The following NRF1 variants were observed in gnomAD, a reference collection of about 807,000 sequenced individuals.
The protein encoded by NRF1 is alpha palindromic-binding protein.
Under a neutral mutation model 58.5 loss-of-function variants are expected in NRF1, and 5 were observed. The ratio of observed to expected loss-of-function variants is 0.09; its 90% CI spans 0.04 to 0.18. The LOEUF is 0.18. Among genes scored for constraint, NRF1 ranks in the 10% least tolerant of loss-of-function variants. NRF1 has a pLI of 1.00. For missense variants in NRF1, 288 were observed against 657.7 expected, an observed-to-expected ratio of 0.44 and a Z score of 6.15; for synonymous variants, 224 against 246.7, an observed-to-expected ratio of 0.91 and a Z score of 0.86.
chr7:129,755,258 G>A lies in NRF1; in HGVS notation c.*77G>A. ...ACGTTTGCAGAGGTGCAATCAAATG[G>A]AATTAAGTCTCTCGACTTTGGAAGG... On this transcript the variant is annotated 3_prime_UTR_variant, in exon 11 of 11. Transcript: ENST00000393232. This position sits in a 1 kb window ranked among gnomAD's most constrained non-coding sequence, Gnocchi z 5.8. 1 of 1,254,134 alleles carries A rather than the reference G, an allele frequency of 8.0e-7. No homozygotes were observed. 77.7% of individuals were successfully genotyped at this position (1,254,134 alleles called of 1,614,324 possible). A position where few individuals can be genotyped will look rare whatever the true frequency, so the allele number is the denominator to read the frequency against.
chr7:129,651,400 A>G (rs981261014), intron 1 of NRF1, among the ~76,000 whole-genome samples: 3 of 145,364 alleles, frequency 2.1e-5, no homozygotes, highest in Admixed American at 7.1e-5. Context: ...AGCCTGGGCA[A>G]CAGAGTGAGA....
chr7:129,685,919 G>C (rs1159608063), intron 4 of NRF1, among the ~76,000 whole-genome samples: 1 of 151,564 alleles, frequency 6.6e-6, no homozygotes, highest in South Asian at 2.1e-4. Flanking sequence ...GACCAGCCTG[G>C]TTGAAACCCT....
At chr7:129,691,606 C>T (rs768525550) in intron 5 of NRF1, among the ~76,000 whole-genome samples, 2 of 151,974 alleles carry the variant, frequency 1.3e-5, no homozygotes, top group Non-Finnish European at 2.9e-5. Flanking sequence ...CCGCCTGCCT[C>T]GGCCTCCCAA....
chr7:129,693,735 AAACAT>A (rs1332298678), intron 5 of NRF1, among the ~76,000 whole-genome samples: 1 of 151,912 alleles, frequency 6.6e-6, no homozygotes, highest in East Asian at 1.9e-4. Flanking sequence ...CAAGTAAAGA[AAACAT>A]AAAGTGAATT....
chr7:129,723,437 C>G (rs942244679), intron 9 of NRF1, among the ~76,000 whole-genome samples: 1 of 147,242 alleles, frequency 6.8e-6, no homozygotes, highest in African/African-American at 2.5e-5. Flanking sequence ...GAGCGAAACT[C>G]TATCTCAAAA....
intron 1 of NRF1, among the ~76,000 whole-genome samples, chr7:129,619,486 G>GTATA (rs1287050843): frequency 0.04 from 1,289 of 31,980 alleles, 27 homozygotes; most frequent in Admixed American, 0.086. Flanking sequence ...GTGTGTGTGT[G>GTATA]TGTGTATATA....
intron 1 of NRF1, among the ~76,000 whole-genome samples, chr7:129,654,102 A>G (rs1367665552): frequency 2.0e-5 from 3 of 152,198 alleles, no homozygotes; most frequent in Non-Finnish European, 4.4e-5. Flanking sequence ...AGTGAAATAG[A>G]GTTCCTGTTG....
At chr7:129,629,910 T>C (rs1031591992) in intron 1 of NRF1, among the ~76,000 whole-genome samples, 3 of 152,194 alleles carry the variant, frequency 2.0e-5, no homozygotes, top group African/African-American at 7.2e-5. Context: ...AGTGTAAATA[T>C]AAATGCATTG....
chr7:129,654,842 T>C (rs2151074365), intron 1 of NRF1, among the ~76,000 whole-genome samples: 1 of 152,372 alleles, frequency 6.6e-6, no homozygotes, highest in South Asian at 2.1e-4. Flanking sequence ...ACCAATACCA[T>C]ACTATCTTGA....
At chr7:129,694,372 C>CT (rs888067674) in intron 5 of NRF1, among the ~76,000 whole-genome samples, 17 of 151,078 alleles carry the variant, frequency 1.1e-4, no homozygotes, top group South Asian at 2.1e-4. Context: ...CTCTGTCTCT[C>CT]TTTTTTTTTG....
At chr7:129,623,793 C>T (rs188056991) in intron 1 of NRF1, among the ~76,000 whole-genome samples, 14 of 152,178 alleles carry the variant, frequency 9.2e-5, no homozygotes, top group Admixed American at 2.0e-4. Flanking sequence ...TGACAAAGTC[C>T]GACTTGTTTA....
intron 1 of NRF1, among the ~76,000 whole-genome samples, chr7:129,645,403 A>G (rs552218230): frequency 4.9e-4 from 74 of 152,292 alleles, no homozygotes; most frequent in African/African-American, 1.6e-3. Context: ...TAGAATGGAG[A>G]GGAGACTCTC....
At chr7:129,711,617 A>G in intron 8 of NRF1, 41 bp downstream of exon 8, 1 of 1,489,442 alleles carries the variant, frequency 6.7e-7, no homozygotes, top group Non-Finnish European at 9.3e-7. Flanking sequence ...AAATACTTGA[A>G]TGTATAATGA....
intron 4 of NRF1, among the ~76,000 whole-genome samples, chr7:129,686,862 G>A (rs1802454303): frequency 6.6e-6 from 1 of 152,192 alleles, no homozygotes; most frequent in Non-Finnish European, 1.5e-5. Flanking sequence ...ACACAAACCT[G>A]TATTTTATCT....
At chr7:129,706,316 A>C (rs1802948907) in intron 5 of NRF1, among the ~76,000 whole-genome samples, 1 of 152,192 alleles carries the variant, frequency 6.6e-6, no homozygotes, top group Admixed American at 6.5e-5. Context: ...CCTCTCAGGC[A>C]AGGATATGTG....
At chr7:129,740,072 A>C (rs1382416029) in intron 10 of NRF1, among the ~76,000 whole-genome samples, 1 of 152,112 alleles carries the variant, frequency 6.6e-6, no homozygotes, top group Admixed American at 6.5e-5. Flanking sequence ...GTGATTCTTC[A>C]CTTCTCAAAC....
chr7:129,617,996 A>G (rs1036662608), intron 1 of NRF1, among the ~76,000 whole-genome samples: 9 of 152,324 alleles, frequency 5.9e-5, no homozygotes, highest in South Asian at 2.1e-4. Context: ...ACTTTATTCT[A>G]TAGGCATTTA....
At chr7:129,659,866 G>T (rs1002569335) in intron 2 of NRF1, among the ~76,000 whole-genome samples, 4 of 152,056 alleles carry the variant, frequency 2.6e-5, no homozygotes, top group African/African-American at 9.7e-5. Flanking sequence ...TTTCTGTGTA[G>T]TTTCTTCTGT....
chr7:129,719,497 A>AACACAC (rs67443980), intron 9 of NRF1, among the ~76,000 whole-genome samples: 4,668 of 141,858 alleles, frequency 0.033, 102 homozygotes, highest in Middle Eastern at 0.041. Context: ...AGGAAACTGA[A>AACACAC]ACACACACAC....
Sources: allele counts gnomAD v4.1 joint callset (sites outside exome capture counted in the v4.1 genomes callset), GRCh38; gene constraint gnomAD v4.1.1; non-coding constraint Gnocchi (gnomAD v3.1); transcripts MANE v1.5; gene names NCBI Gene and HGNC (gene_info 2026-07-23, HGNC 2026-07-21).